GPM6A: variants seen among roughly 807,000 people sequenced by gnomAD.
The protein encoded by GPM6A is neuronal membrane glycoprotein M6-a.
Under a neutral mutation model 32.1 loss-of-function variants are expected in GPM6A, and 7 were observed. The observed-to-expected ratio is 0.22, with a 90% CI of 0.12 to 0.41. The LOEUF is 0.41. Ranked by LOEUF, GPM6A falls within the 10% of genes least tolerant of loss-of-function variation. The pLI is 1.00. For synonymous variants in GPM6A, 130 were observed against 123.4 expected (o/e 1.05, Z -0.35); for missense variants, 235 against 347.2 (o/e 0.68, Z 2.57).
At position 175,718,483 on chromosome 4, in the gene GPM6A, G is replaced by A. The variant is rs529659641; in HGVS notation, c.38-16716C>T. Among the ~76,000 whole-genome samples, 10 of 152,216 alleles carry A rather than the reference G, an allele frequency of 6.6e-5. No homozygotes were observed. The South Asian group carries it at 2.1e-3, about 32-fold the overall frequency. The stretch of plus-strand genomic sequence containing the variant: ...ATACAAAAAATAGCTGGGTGTAATG[G>A]TGGGCACCTGTAGTCTCAGCTACTT... On this transcript the variant is annotated intron_variant, in intron 1 of 6. Coordinates refer to ENST00000393658, the MANE Select transcript of GPM6A (RefSeq NM_201591.3).
intron 1 of GPM6A, among the ~76,000 whole-genome samples, chr4:175,958,530 A>T (rs1021041014): frequency 1.3e-5 from 2 of 152,226 alleles, no homozygotes; most frequent in Non-Finnish European, 2.9e-5. Context: ...ACATGTAAAA[A>T]TGGCTAAAAC....
chr4:175,669,241 T>C (rs1742919841), intron 3 of GPM6A, among the ~76,000 whole-genome samples: 1 of 152,204 alleles, frequency 6.6e-6, no homozygotes, highest in Admixed American at 6.5e-5. Flanking sequence ...GATTTTAAGA[T>C]AATTATACAG....
At chr4:175,844,493 T>C (rs549441418) in intron 1 of GPM6A, among the ~76,000 whole-genome samples, 6 of 152,306 alleles carry the variant, frequency 3.9e-5, no homozygotes, top group African/African-American at 1.4e-4. Flanking sequence ...TTGATTTTGG[T>C]CTTCTGTTGA....
chr4:175,997,281 T>A (rs1324218175), intron 1 of GPM6A, among the ~76,000 whole-genome samples: 2 of 152,174 alleles, frequency 1.3e-5, no homozygotes, highest in Non-Finnish European at 2.9e-5. Flanking sequence ...CAGCAATAAA[T>A]GCTTAGAACA....
At chr4:175,971,014 C>A in intron 1 of GPM6A, 1 of 395,808 alleles carries the variant, frequency 2.5e-6, no homozygotes, top group South Asian at 1.9e-5. Flanking sequence ...GTTGCAAATA[C>A]AATACAGCCT....
chr4:175,789,206 A>G (rs2111270183), intron 1 of GPM6A, among the ~76,000 whole-genome samples: 1 of 152,328 alleles, frequency 6.6e-6, no homozygotes, highest in East Asian at 1.9e-4. Flanking sequence ...ATGAATAATG[A>G]TTTTTAAAAT....
At chr4:175,674,409 C>G (rs1560867340) in intron 2 of GPM6A, among the ~76,000 whole-genome samples, 1 of 152,120 alleles carries the variant, frequency 6.6e-6, no homozygotes, top group Non-Finnish European at 1.5e-5. Flanking sequence ...CTCCTGAGCT[C>G]AGGCAATCCA....
intron 1 of GPM6A, among the ~76,000 whole-genome samples, chr4:175,722,617 T>C (rs1746198704): frequency 6.6e-6 from 1 of 152,114 alleles, no homozygotes; most frequent in Admixed American, 6.6e-5. Context: ...TGGACCTTTT[T>C]CCGGTGTGGG....
At chr4:175,734,212 C>T (rs1731557468) in intron 1 of GPM6A, among the ~76,000 whole-genome samples, 1 of 151,082 alleles carries the variant, frequency 6.6e-6, no homozygotes, top group Non-Finnish European at 1.5e-5. Context: ...ACTTGCAACT[C>T]TTCAATTTGT....
intron 1 of GPM6A, among the ~76,000 whole-genome samples, chr4:175,867,909 G>A (rs1404947317): frequency 2.0e-5 from 3 of 152,136 alleles, no homozygotes; most frequent in Admixed American, 6.5e-5. Context: ...GAAATATCTT[G>A]TTAAGAACAA....
chr4:175,789,627 A>G (rs1170099240), intron 1 of GPM6A, among the ~76,000 whole-genome samples: 1 of 152,194 alleles, frequency 6.6e-6, no homozygotes, highest in African/African-American at 2.4e-5. Context: ...ACTTGCTTTA[A>G]TTTTCTATCT....
intron 3 of GPM6A, among the ~76,000 whole-genome samples, chr4:175,660,547 C>T (rs1244134604): frequency 6.6e-6 from 1 of 151,828 alleles, no homozygotes; most frequent in African/African-American, 2.4e-5. Context: ...AAATATAATG[C>T]TGAATAAAGG....
At chr4:175,817,071 G>T (rs1735128013), upstream of GPM6A, among the ~76,000 whole-genome samples, 1 of 152,054 alleles carries the variant, frequency 6.6e-6, no homozygotes, top group Admixed American at 6.5e-5. Context: ...TGGTAGCCAG[G>T]ATGGTCTCGA....
intron 1 of GPM6A, among the ~76,000 whole-genome samples, chr4:175,933,402 G>A (rs1252136071): frequency 6.6e-6 from 1 of 152,128 alleles, no homozygotes; most frequent in Non-Finnish European, 1.5e-5. Flanking sequence ...TGTTGAGGAT[G>A]TACAATGATA....
At chr4:175,845,930 C>T (rs1736073234) in intron 1 of GPM6A, among the ~76,000 whole-genome samples, 1 of 151,968 alleles carries the variant, frequency 6.6e-6, no homozygotes, top group African/African-American at 2.4e-5. Flanking sequence ...TGTACTATAC[C>T]TTTTGTCATA....
intron 2 of GPM6A, among the ~76,000 whole-genome samples, chr4:175,684,897 A>T (rs978064550): frequency 8.7e-5 from 13 of 149,778 alleles, no homozygotes; most frequent in East Asian, 3.9e-4. Flanking sequence ...TTTTATTATT[A>T]TTTTTTTTTG....
intron 1 of GPM6A, among the ~76,000 whole-genome samples, chr4:175,874,562 C>G (rs1322574161): frequency 6.6e-6 from 1 of 151,784 alleles, no homozygotes; most frequent in Non-Finnish European, 1.5e-5. Flanking sequence ...GAAACTTTCA[C>G]AGAGAAATTG....
chr4:175,815,850 G>T (rs1011494078), upstream of GPM6A, among the ~76,000 whole-genome samples: 1 of 150,814 alleles, frequency 6.6e-6, no homozygotes, highest in Non-Finnish European at 1.5e-5. Flanking sequence ...CCCAAGTATC[G>T]AGGATTACAG....
intron 1 of GPM6A, among the ~76,000 whole-genome samples, chr4:175,799,666 G>GTTTTTTTTTTT (rs1553990612): frequency 2.8e-4 from 32 of 114,976 alleles, no homozygotes; most frequent in Non-Finnish European, 4.5e-4. Flanking sequence ...AGTAGCAAGT[G>GTTTTTTTTTTT]TTTTCTTTTT....
Sources: allele counts gnomAD v4.1 joint callset (sites outside exome capture counted in the v4.1 genomes callset), GRCh38; gene constraint gnomAD v4.1.1; transcripts MANE v1.5; gene names NCBI Gene and HGNC (gene_info 2026-07-23, HGNC 2026-07-21).